Variants in THSD7B observed in about 807,000 individuals in gnomAD.
THSD7B encodes thrombospondin type-1 domain-containing protein 7B.
A neutral mutation model predicts 213.6 loss-of-function variants in THSD7B; 138 were observed. That is an observed-to-expected ratio of 0.65 (90% confidence interval 0.56 to 0.74). The LOEUF is 0.74. Among genes scored for constraint, THSD7B ranks in the 30% least tolerant of loss-of-function variants. The pLI is 0.00. For missense variants in THSD7B, 1,931 were observed against 1,991.5 expected (o/e 0.97, Z 0.58); for synonymous variants, 742 against 687.0 (o/e 1.08, Z -1.25).
chr2:137,025,103 C>T (rs1321703393), intron 2 of THSD7B, among the ~76,000 whole-genome samples: 1 of 152,140 alleles, frequency 6.6e-6, no homozygotes, highest in Non-Finnish European at 1.5e-5. Flanking sequence ...GCTGAGAGTT[C>T]CCCGTTAGAG....
At chr2:137,307,410 T>C (rs1384235441) in intron 12 of THSD7B, among the ~76,000 whole-genome samples, 1 of 152,016 alleles carries the variant, frequency 6.6e-6, no homozygotes, top group Non-Finnish European at 1.5e-5. Flanking sequence ...CACCAAACTC[T>C]CTAGGAACAT....
intron 15 of THSD7B, among the ~76,000 whole-genome samples, chr2:137,476,725 A>T (rs959924319): frequency 5.9e-5 from 9 of 152,094 alleles, no homozygotes; most frequent in African/African-American, 2.2e-4. Context: ...TTTTTAGTAG[A>T]GACGGGGTTT....
intron 14 of THSD7B, 51 bp downstream of exon 14, chr2:137,411,923 G>A: frequency 6.3e-7 from 1 of 1,593,260 alleles, no homozygotes; most frequent in Non-Finnish European, 8.6e-7. Flanking sequence ...ACACAGCTCG[G>A]GAGGTTTGTC....
At chr2:137,502,989 T>C (rs1679745151) in intron 15 of THSD7B, among the ~76,000 whole-genome samples, 1 of 152,174 alleles carries the variant, frequency 6.6e-6, no homozygotes, top group Non-Finnish European at 1.5e-5. Context: ...ATATATTACA[T>C]AATAACAGGC....
chr2:137,366,427 C>G (rs906254527), intron 12 of THSD7B, among the ~76,000 whole-genome samples: 2 of 151,812 alleles, frequency 1.3e-5, no homozygotes, highest in Non-Finnish European at 2.9e-5. Context: ...TCAGTTTTCT[C>G]TCCTCTGAAA....
At chr2:136,778,344 A>C (rs1681652343) in intron 1 of THSD7B, among the ~76,000 whole-genome samples, 1 of 152,164 alleles carries the variant, frequency 6.6e-6, no homozygotes, top group Non-Finnish European at 1.5e-5. Flanking sequence ...ACTTGTCCCT[A>C]AAAGAAATCC....
chr2:137,515,233 C>CTT (rs568339870), intron 15 of THSD7B, among the ~76,000 whole-genome samples: 6 of 152,104 alleles, frequency 3.9e-5, no homozygotes, highest in African/African-American at 1.4e-4. Context: ...CTCTGGTTAA[C>CTT]TTTTTTTGCC....
chr2:136,814,716 C>G (rs1157655865), intron 1 of THSD7B, among the ~76,000 whole-genome samples: 1 of 152,046 alleles, frequency 6.6e-6, no homozygotes, highest in Non-Finnish European at 1.5e-5. Flanking sequence ...TTTATATATG[C>G]AAAGAAATCT....
intron 12 of THSD7B, among the ~76,000 whole-genome samples, chr2:137,321,603 A>C (rs1684265690): frequency 6.6e-6 from 1 of 152,310 alleles, no homozygotes; most frequent in East Asian, 1.9e-4. Context: ...TCAACCAATC[A>C]TAGGCACTTT....
chr2:137,513,690 A>G (rs1425213571), intron 15 of THSD7B, among the ~76,000 whole-genome samples: 2 of 152,194 alleles, frequency 1.3e-5, no homozygotes. Context: ...AGAGTATCTT[A>G]GAAAACAGAT....
intron 3 of THSD7B, among the ~76,000 whole-genome samples, chr2:137,089,817 T>G (rs1444332826): frequency 6.6e-6 from 1 of 152,066 alleles, no homozygotes; most frequent in African/African-American, 2.4e-5. Flanking sequence ...GAGACCAGCC[T>G]GGCCAACAGG....
chr2:137,602,900 T>C (rs1387049375), intron 17 of THSD7B, among the ~76,000 whole-genome samples: 2 of 152,170 alleles, frequency 1.3e-5, no homozygotes, highest in Non-Finnish European at 2.9e-5. Context: ...CACATGTCTG[T>C]ATCTACCATC....
chr2:137,647,146 G>A (rs2104866871), intron 21 of THSD7B, among the ~76,000 whole-genome samples: 1 of 152,302 alleles, frequency 6.6e-6, no homozygotes, highest in East Asian at 1.9e-4. Context: ...GTCCTGGAAT[G>A]CTGTCATGAC....
At chr2:137,150,400 T>C (rs1558939006) in intron 5 of THSD7B, among the ~76,000 whole-genome samples, 1 of 152,140 alleles carries the variant, frequency 6.6e-6, no homozygotes, top group Non-Finnish European at 1.5e-5. Flanking sequence ...AGGGGCTCAG[T>C]GGGAGGTAAT....
At chr2:137,145,656 C>T (rs902516172) in intron 5 of THSD7B, among the ~76,000 whole-genome samples, 2 of 151,808 alleles carry the variant, frequency 1.3e-5, no homozygotes, top group Admixed American at 6.6e-5. Context: ...TGGGCTTCAT[C>T]GATTTGAACA....
At chr2:137,428,484 G>A (rs1474407133) in intron 14 of THSD7B, among the ~76,000 whole-genome samples, 1 of 152,050 alleles carries the variant, frequency 6.6e-6, no homozygotes, top group Admixed American at 6.6e-5. Context: ...ATAAAAATTT[G>A]TACACAAATG....
chr2:137,536,785 A>G (rs1051535588), intron 15 of THSD7B, among the ~76,000 whole-genome samples: 1 of 151,714 alleles, frequency 6.6e-6, no homozygotes, highest in Admixed American at 6.6e-5. Flanking sequence ...CTTCTCCAGT[A>G]TGTACCCTGA....
At chr2:137,671,799 C>CTAAT (rs1558879088) in intron 27 of THSD7B, among the ~76,000 whole-genome samples, 1 of 152,288 alleles carries the variant, frequency 6.6e-6, no homozygotes, top group African/African-American at 2.4e-5. Context: ...TACTGCCCCT[C>CTAAT]TAATTTTCCA....
chr2:137,213,537 A>T (rs966740808), intron 7 of THSD7B, among the ~76,000 whole-genome samples: 1 of 149,626 alleles, frequency 6.7e-6, no homozygotes, highest in Non-Finnish European at 1.5e-5. Flanking sequence ...ATAGTATGAT[A>T]TGGTATATGT....
Sources: allele counts gnomAD v4.1 joint callset (sites outside exome capture counted in the v4.1 genomes callset), GRCh38; gene constraint gnomAD v4.1.1; transcripts MANE v1.5; gene names NCBI Gene and HGNC (gene_info 2026-07-23, HGNC 2026-07-21).